MTSS1: variants seen among roughly 807,000 people sequenced by gnomAD.
The protein encoded by MTSS1 is MTSS I-BAR domain containing 1.
A neutral mutation model predicts 79.0 loss-of-function variants in MTSS1; 18 were observed. That is an observed-to-expected ratio of 0.23 (90% CI 0.16 to 0.34). MTSS1 has a LOEUF of 0.34. Ranked by LOEUF, MTSS1 falls within the 10% of genes least tolerant of loss-of-function variation. MTSS1 has a pLI of 1.00. For synonymous variants in MTSS1, 341 were observed against 368.6 expected, an observed-to-expected ratio of 0.93 and a Z score of 0.86; for missense variants, 815 against 986.2, an observed-to-expected ratio of 0.83 and a Z score of 2.33.
intron 3 of MTSS1, among the ~76,000 whole-genome samples, chr8:124,617,599 G>A (rs112537104): frequency 3.8e-4 from 58 of 152,182 alleles, no homozygotes; most frequent in African/African-American, 1.3e-3. Flanking sequence ...ATGTTTCACA[G>A]GGCGAGAGGG....
Position 124,597,617 on chromosome 8 carries a change from A to G in MTSS1, c.209-6382T>C, listed in dbSNP as rs540922327. Among the ~76,000 whole-genome samples, 1 of 152,286 alleles carries G rather than the reference A, an allele frequency of 6.6e-6. No individual in the cohort carries two copies. Reference sequence around the variant, plus strand: ...GGCAGCTGCCATCTCCCTGCATAGCAGGGGACTAATGGCAGGCATTCTTGG... The same window carrying G: ...GGCAGCTGCCATCTCCCTGCATAGCGGGGGACTAATGGCAGGCATTCTTGG... On this transcript the variant is annotated intron_variant, in intron 3 of 13. Coordinates refer to ENST00000518547, the MANE Select transcript of MTSS1 (RefSeq NM_014751.6). The surrounding 1 kb of genome is among the most constrained non-coding windows in gnomAD (Gnocchi z 4.6).
chr8:124,665,651 TGAGGTTGG>T (rs957207738), intron 3 of MTSS1, among the ~76,000 whole-genome samples: 3 of 152,154 alleles, frequency 2.0e-5, no homozygotes, highest in African/African-American at 7.2e-5. Context: ...GTGGATCACC[TGAGGTTGG>T]GAGTTCGAGA....
chr8:124,628,881 T>C (rs1486891286), intron 3 of MTSS1, among the ~76,000 whole-genome samples: 1 of 152,172 alleles, frequency 6.6e-6, no homozygotes, highest in Non-Finnish European at 1.5e-5. Flanking sequence ...AGGTGGTGTC[T>C]AGCTCCGAAG....
chr8:124,573,306 G>A (rs16899748), intron 6 of MTSS1, among the ~76,000 whole-genome samples: 10,275 of 152,250 alleles, frequency 0.067, 445 homozygotes, highest in East Asian at 0.18. Context: ...TACAGGTCTC[G>A]CTTAATTCTC....
chr8:124,664,924 C>A (rs1822775798), intron 3 of MTSS1, among the ~76,000 whole-genome samples: 1 of 152,174 alleles, frequency 6.6e-6, no homozygotes, highest in Admixed American at 6.5e-5. Flanking sequence ...TTCTTTCCCC[C>A]CGACATGTTA....
intron 3 of MTSS1, among the ~76,000 whole-genome samples, chr8:124,678,838 T>C (rs1465169814): frequency 2.0e-5 from 3 of 152,228 alleles, no homozygotes; most frequent in Non-Finnish European, 4.4e-5. Flanking sequence ...ACCCAGTCTC[T>C]ACCATCACGG....
At chr8:124,693,307 A>G (rs937606908) in intron 3 of MTSS1, among the ~76,000 whole-genome samples, 2 of 152,210 alleles carry the variant, frequency 1.3e-5, no homozygotes, top group African/African-American at 4.8e-5. Context: ...TTTACAGGAC[A>G]GCACAAACAT....
At chr8:124,629,913 T>C (rs1815576956) in intron 3 of MTSS1, among the ~76,000 whole-genome samples, 1 of 152,340 alleles carries the variant, frequency 6.6e-6, no homozygotes, top group South Asian at 2.1e-4. Flanking sequence ...CGTTCTTAAA[T>C]GGAGCTACTG....
At chr8:124,601,088 T>C (rs1833721200) in intron 3 of MTSS1, among the ~76,000 whole-genome samples, 1 of 127,388 alleles carries the variant, frequency 7.9e-6, no homozygotes, top group Admixed American at 8.6e-5. Flanking sequence ...TTTTTTTGAG[T>C]CTCACTCTGT....
At chr8:124,624,264 A>C in intron 3 of MTSS1, among the ~76,000 whole-genome samples, 1 of 152,282 alleles carries the variant, frequency 6.6e-6, no homozygotes, top group East Asian at 1.9e-4. Flanking sequence ...TTTTTGCACT[A>C]TCAGAGAGCT....
chr8:124,719,327 T>C (rs1832578946), intron 1 of MTSS1, among the ~76,000 whole-genome samples: 1 of 152,230 alleles, frequency 6.6e-6, no homozygotes, highest in South Asian at 2.1e-4. Context: ...CTGGTTTGCA[T>C]ATAAATGCTT....
intron 3 of MTSS1, among the ~76,000 whole-genome samples, chr8:124,648,713 C>CCCA (rs1554694540): frequency 6.6e-6 from 1 of 151,458 alleles, no homozygotes; most frequent in African/African-American, 2.5e-5. Flanking sequence ...ATAGCAGCCC[C>CCCA]CCCCCAGATA....
At chr8:124,581,183 G>A (rs991379944) in intron 6 of MTSS1, among the ~76,000 whole-genome samples, 2 of 151,750 alleles carry the variant, frequency 1.3e-5, no homozygotes, top group Non-Finnish European at 2.9e-5. Flanking sequence ...GCTGGGCGCA[G>A]TGGTGTGTGC....
chr8:124,558,963 T>C (rs1424026212), intron 10 of MTSS1: 1 of 1,250,850 alleles, frequency 8.0e-7, no homozygotes, highest in Non-Finnish European at 1.1e-6. Flanking sequence ...GAGACAGACA[T>C]ATACACAGAA....
intron 13 of MTSS1, among the ~76,000 whole-genome samples, chr8:124,555,085 A>G (rs546288611): frequency 6.6e-6 from 1 of 152,298 alleles, no homozygotes; most frequent in Non-Finnish European, 1.5e-5. Context: ...AGCTCAAGCA[A>G]TCTGCTCACC....
At chr8:124,623,959 C>T (rs1024720891) in intron 3 of MTSS1, among the ~76,000 whole-genome samples, 1 of 152,232 alleles carries the variant, frequency 6.6e-6, no homozygotes, top group African/African-American at 2.4e-5. Flanking sequence ...TAAGCACCTT[C>T]TAAAACTCAC....
intron 9 of MTSS1, among the ~76,000 whole-genome samples, chr8:124,564,086 A>T (rs1825860842): frequency 7.0e-6 from 1 of 143,036 alleles, no homozygotes; most frequent in Admixed American, 7.2e-5. Context: ...AGCTGAGATT[A>T]TGCCACTGCA....
intron 1 of MTSS1, among the ~76,000 whole-genome samples, chr8:124,723,381 G>C (rs1833226140): frequency 6.6e-6 from 1 of 152,182 alleles, no homozygotes; most frequent in African/African-American, 2.4e-5. Flanking sequence ...ATGCAAACCA[G>C]GACCTAGGAA....
intron 5 of MTSS1, among the ~76,000 whole-genome samples, chr8:124,588,618 G>A (rs1259725603): frequency 6.6e-6 from 1 of 152,198 alleles, no homozygotes; most frequent in African/African-American, 2.4e-5. Context: ...GGAGACCTAG[G>A]GTAAGCTTAT....
Sources: allele counts gnomAD v4.1 joint callset (sites outside exome capture counted in the v4.1 genomes callset), GRCh38; gene constraint gnomAD v4.1.1; non-coding constraint Gnocchi (gnomAD v3.1); transcripts MANE v1.5; gene names NCBI Gene and HGNC (gene_info 2026-07-23, HGNC 2026-07-21).